Variants in GGACT observed in about 807,000 individuals in gnomAD.
The protein encoded by GGACT is gamma-glutamylamine cyclotransferase, also known as gamma-glutamylaminecyclotransferase.
For missense variants in GGACT, 241 were observed against 233.2 expected (o/e 1.03, Z -0.22); for synonymous variants, 118 against 115.3 (o/e 1.02, Z -0.15).
At position 100,532,151 on chromosome 13, in the gene GGACT, G is replaced by A; in HGVS notation, c.441C>T (p.Tyr147=). The A allele has an allele frequency of 6.9e-7, 1 of 1,453,950 alleles. No individual in the cohort carries two copies. The highest frequency in any genetic ancestry group is 1.4e-5 in the South Asian group (1 of 69,200). The allele number at this position is 1,453,950 out of a possible 1,614,324, so 90.1% of individuals were successfully genotyped here. A position where few individuals can be genotyped will look rare whatever the true frequency, so the allele number is the denominator to read the frequency against. Residue 147 remains tyrosine, a synonymous_variant, in exon 3 of 3, where the codon TAC becomes TAT. Transcript: ENST00000683975. ...CCCCTTATCTGTTCTCCCGGGGGTT[G>A]TAGCGCAGCCCGTGCGGCCCCTCGG... ...YDSEGPHGLR[Y]NPRENR is the part of the protein sequence containing the mutation.
chr13:100,573,845 T>C (rs1008138200), intron 2 of GGACT, among the ~76,000 whole-genome samples: 3 of 139,490 alleles, frequency 2.2e-5, no homozygotes, highest in African/African-American at 5.3e-5. Context: ...CACAATGAGA[T>C]ACCATCTCAC....
chr13:100,558,765 C>T (rs1405256434), intron 2 of GGACT, among the ~76,000 whole-genome samples: 1 of 152,124 alleles, frequency 6.6e-6, no homozygotes, highest in Non-Finnish European at 1.5e-5. Flanking sequence ...TTCCTGCTCA[C>T]ATATGGAATC....
At chr13:100,551,283 CA>C (rs1221543931) in intron 2 of GGACT, among the ~76,000 whole-genome samples, 7 of 136,844 alleles carry the variant, frequency 5.1e-5, no homozygotes, top group African/African-American at 1.1e-4. Context: ...GACTCTGTCT[CA>C]AAAAAAAAAC....
intron 1 of GGACT, among the ~76,000 whole-genome samples, chr13:100,588,429 G>C (rs1875647470): frequency 1.3e-5 from 2 of 152,338 alleles, no homozygotes; most frequent in South Asian, 4.1e-4. Context: ...CCTTTACAGG[G>C]AAGCAGCGCC....
In GGACT at chr13:100,571,418, A is replaced by T. The variant is rs542008472; in HGVS notation, c.-11+12407T>A. On this transcript the variant is annotated intron_variant, in intron 2 of 2. Transcript: ENST00000683975. ...TGCTCTAATATCCTTCAGAACACAG[A>T]TGTGTATGCTGTGCAGCAGAAGAAA... Among the ~76,000 whole-genome samples, 6 of 152,344 alleles carry T rather than the reference A, an allele frequency of 3.9e-5. No individual in the cohort carries two copies. The East Asian group carries it at 9.6e-4, about 24-fold the overall frequency.
In GGACT at chr13:100,583,887, G is replaced by A. The variant is rs1875489942; in HGVS notation, c.-73C>T. The A allele has an allele frequency of 6.6e-6, 1 of 152,194 alleles. No individual in the cohort carries two copies. Among genetic ancestry groups the A allele is most frequent in the African/African-American group, 2.4e-5 (1 of 41,430 alleles). The allele number at this position is 152,194 out of a possible 1,614,324, so 9.4% of individuals were successfully genotyped here. On this transcript the variant is annotated 5_prime_UTR_variant, in exon 2 of 3. Coordinates refer to ENST00000683975, the MANE Select transcript of GGACT (RefSeq NM_001195087.2). ...ATCCAGATCCACAGTAAGCCTGAGA[G>A]TCTTAAAAACTTTTGACTTCAGAAT...
intron 2 of GGACT, among the ~76,000 whole-genome samples, chr13:100,547,179 C>A (rs1202814734): frequency 2.0e-5 from 3 of 152,322 alleles, no homozygotes; most frequent in East Asian, 1.9e-4. Flanking sequence ...GACCCTCAGA[C>A]CAGGCCCGGG....
intron 2 of GGACT, among the ~76,000 whole-genome samples, chr13:100,548,962 G>C (rs1308884627): frequency 6.6e-6 from 1 of 152,226 alleles, no homozygotes; most frequent in Non-Finnish European, 1.5e-5. Flanking sequence ...TACTTTCAAA[G>C]ATAACCACCA....
intron 2 of GGACT, among the ~76,000 whole-genome samples, chr13:100,550,331 CACACACACACACACACACACA>C (rs1566532446): frequency 0.034 from 4,940 of 144,954 alleles, 553 homozygotes; most frequent in South Asian, 0.074. Context: ...CACACACACA[CACACACACACACACACACACA>C]CACCACTGGC....
intron 2 of GGACT, among the ~76,000 whole-genome samples, chr13:100,569,154 G>A (rs1244228942): frequency 6.6e-6 from 1 of 152,224 alleles, no homozygotes; most frequent in African/African-American, 2.4e-5. Context: ...GGAGTGTGAA[G>A]GACCCTTTTC....
At chr13:100,547,900 C>A (rs1005311214) in intron 2 of GGACT, among the ~76,000 whole-genome samples, 1 of 152,242 alleles carries the variant, frequency 6.6e-6, no homozygotes, top group African/African-American at 2.4e-5. Flanking sequence ...CGAAGAAACA[C>A]AGCAAACGGT....
chr13:100,550,778 T>C (rs1428003075), intron 2 of GGACT, among the ~76,000 whole-genome samples: 3 of 152,198 alleles, frequency 2.0e-5, no homozygotes, highest in Non-Finnish European at 2.9e-5. Context: ...TCCACTCGCT[T>C]CAGAAACAGC....
intron 2 of GGACT, among the ~76,000 whole-genome samples, chr13:100,550,298 CTACACACA>C (rs1363217743): frequency 6.0e-4 from 76 of 126,134 alleles, no homozygotes; most frequent in African/African-American, 2.3e-3. Context: ...CGATTATACT[CTACACACA>C]CACACACACA....
At chr13:100,561,511 G>T (rs1015255080) in intron 2 of GGACT, among the ~76,000 whole-genome samples, 1 of 150,632 alleles carries the variant, frequency 6.6e-6, no homozygotes, top group Non-Finnish European at 1.5e-5. Flanking sequence ...TCTTCCCACA[G>T]AAGGCTTTCC....
chr13:100,564,058 G>A (rs952353630), intron 2 of GGACT, among the ~76,000 whole-genome samples: 3 of 152,218 alleles, frequency 2.0e-5, no homozygotes, highest in Non-Finnish European at 2.9e-5. Context: ...CCCCACGCCT[G>A]TTGAGTTCCC....
chr13:100,535,777 T>A (rs2088483009), intron 2 of GGACT: 1 of 152,236 alleles, frequency 6.6e-6, no homozygotes, highest in Non-Finnish European at 1.5e-5. Context: ...TTCCTTGAAA[T>A]TAAAAATTGC....
chr13:100,574,713 T>G (rs1055288796), intron 2 of GGACT, among the ~76,000 whole-genome samples: 1 of 152,084 alleles, frequency 6.6e-6, no homozygotes, highest in Non-Finnish European at 1.5e-5. Context: ...GGGTTGAAAA[T>G]GACCCACTGA....
At chr13:100,578,435 G>C (rs1356213308) in intron 2 of GGACT, among the ~76,000 whole-genome samples, 1 of 152,238 alleles carries the variant, frequency 6.6e-6, no homozygotes, top group African/African-American at 2.4e-5. Flanking sequence ...AAACCAGTGA[G>C]AGGCAGGTAA....
At chr13:100,540,205 C>T (rs934480742) in intron 2 of GGACT, 46 of 1,484,880 alleles carry the variant, frequency 3.1e-5, no homozygotes, top group African/African-American at 1.2e-4. Flanking sequence ...CACGTGGCCG[C>T]GGCCCTTTTT....
Sources: gnomAD v4.1 joint callset for allele counts (sites outside exome capture counted in the v4.1 genomes callset) on GRCh38, gnomAD v4.1.1 for gene constraint, MANE v1.5 for transcripts, NCBI Gene and HGNC (gene_info 2026-07-23, HGNC 2026-07-21) for gene names.